Variants in SCFD2 observed in about 807,000 individuals in gnomAD.
SCFD2 encodes the protein sec1 family domain containing 2, also known as sec1 family domain-containing protein 2.
Under a neutral mutation model 58.9 loss-of-function variants are expected in SCFD2, and 54 were observed. The ratio of observed to expected loss-of-function variants is 0.92; its 90% CI spans 0.74 to 1.15. The LOEUF (loss-of-function observed/expected upper bound fraction) is 1.15, where lower values mean the gene tolerates loss of function less well. Ranked by LOEUF, SCFD2 falls within the 50% of genes most tolerant of loss-of-function variation. The pLI is 0.00. For missense variants in SCFD2, 805 were observed against 836.6 expected, an observed-to-expected ratio of 0.96 and a Z score of 0.47; for synonymous variants, 321 against 335.9, an observed-to-expected ratio of 0.96 and a Z score of 0.49.
chr4:52,880,281 A>C (rs565267955), intron 8 of SCFD2, among the ~76,000 whole-genome samples: 1 of 151,184 alleles, frequency 6.6e-6, no homozygotes, highest in Non-Finnish European at 1.5e-5. Flanking sequence ...AGTTGTGTGC[A>C]AAACTATTTT....
intron 4 of SCFD2, among the ~76,000 whole-genome samples, chr4:53,219,166 G>C (rs1437037691): frequency 2.0e-5 from 3 of 152,208 alleles, no homozygotes; most frequent in Non-Finnish European, 4.4e-5. Context: ...CTTCAAAGCT[G>C]TCAAACAGGG....
At chr4:53,251,830 G>T (rs1234131578) in intron 4 of SCFD2, among the ~76,000 whole-genome samples, 1 of 151,648 alleles carries the variant, frequency 6.6e-6, no homozygotes, top group Non-Finnish European at 1.5e-5. Context: ...GCACAAGACA[G>T]GGATGCCCTC....
At chr4:53,147,578 C>A (rs1202786308) in intron 4 of SCFD2, among the ~76,000 whole-genome samples, 1 of 152,188 alleles carries the variant, frequency 6.6e-6, no homozygotes, top group Admixed American at 6.5e-5. Context: ...TGACAAGACA[C>A]AATTTACCAA....
intron 5 of SCFD2, among the ~76,000 whole-genome samples, chr4:53,094,355 T>C (rs915747202): frequency 3.3e-5 from 5 of 152,086 alleles, no homozygotes; most frequent in Non-Finnish European, 7.4e-5. Flanking sequence ...AACAGGGTTG[T>C]TTTTCTAAGT....
chr4:53,160,924 A>G (rs757084575), intron 4 of SCFD2, among the ~76,000 whole-genome samples: 41 of 152,342 alleles, frequency 2.7e-4, no homozygotes, highest in Non-Finnish European at 4.1e-4. Flanking sequence ...TTTCTCTTCT[A>G]TTAAAAATGC....
chr4:53,233,220 GA>G (rs934639929), intron 4 of SCFD2, among the ~76,000 whole-genome samples: 14 of 149,676 alleles, frequency 9.4e-5, no homozygotes, highest in African/African-American at 2.0e-4. Flanking sequence ...GTTTAACAAA[GA>G]AAAAAAAAAT....
At chr4:53,150,845 A>C (rs914163643) in intron 4 of SCFD2, among the ~76,000 whole-genome samples, 39 of 152,380 alleles carry the variant, frequency 2.6e-4, no homozygotes, top group African/African-American at 9.4e-4. Context: ...ATAACAGGAT[A>C]GTCTTTGTAA....
intron 4 of SCFD2, among the ~76,000 whole-genome samples, chr4:53,260,584 G>A (rs1251861099): frequency 6.6e-6 from 1 of 152,118 alleles, no homozygotes; most frequent in Non-Finnish European, 1.5e-5. Flanking sequence ...ACACCCAACT[G>A]ATCATGGTGG....
chr4:53,101,140 T>C (rs1444266368), intron 5 of SCFD2, among the ~76,000 whole-genome samples: 1 of 152,188 alleles, frequency 6.6e-6, no homozygotes, highest in Non-Finnish European at 1.5e-5. Context: ...ACACTTCAGC[T>C]TTCATGCATT....
intron 3 of SCFD2, among the ~76,000 whole-genome samples, chr4:53,307,538 C>T (rs754126466): frequency 6.6e-6 from 1 of 152,202 alleles, no homozygotes; most frequent in Non-Finnish European, 1.5e-5. Context: ...ACATTAAACA[C>T]ACCAGTGACA....
At chr4:53,211,427 G>C (rs986100792) in intron 4 of SCFD2, among the ~76,000 whole-genome samples, 3 of 152,030 alleles carry the variant, frequency 2.0e-5, no homozygotes, top group African/African-American at 7.3e-5. Flanking sequence ...ATTGGTAAAC[G>C]TGAGTGTTTT....
At chr4:52,897,169 C>A (rs972777496) in intron 7 of SCFD2, among the ~76,000 whole-genome samples, 20 of 152,244 alleles carry the variant, frequency 1.3e-4, no homozygotes, top group East Asian at 1.9e-4. Context: ...GCCTGATTGC[C>A]CTGGCCAGAA....
At chr4:52,958,548 G>A (rs1379672285) in intron 5 of SCFD2, among the ~76,000 whole-genome samples, 1 of 152,046 alleles carries the variant, frequency 6.6e-6, no homozygotes, top group Admixed American at 6.6e-5. Flanking sequence ...CTCAACAAGT[G>A]ACGTTCATCG....
chr4:53,276,978 G>A (rs1731346678), intron 3 of SCFD2, among the ~76,000 whole-genome samples: 1 of 152,164 alleles, frequency 6.6e-6, no homozygotes, highest in Admixed American at 6.5e-5. Flanking sequence ...TTTTGGTGAA[G>A]TGTCTGGTCA....
chr4:53,345,279 G>A (rs961186565), intron 2 of SCFD2, among the ~76,000 whole-genome samples: 4 of 152,090 alleles, frequency 2.6e-5, no homozygotes, highest in Admixed American at 2.0e-4. Flanking sequence ...ATCAAAAAGT[G>A]GGCAACGGAT....
At chr4:53,302,695 G>A (rs62324296) in intron 3 of SCFD2, among the ~76,000 whole-genome samples, 1,944 of 152,134 alleles carry the variant, frequency 0.013, 31 homozygotes, top group South Asian at 0.073. Flanking sequence ...ACCTGACTTC[G>A]AACTATACTA....
chr4:53,365,982 C>CTTCTTTCAGAAGTTCAGGAG lies in SCFD2; in HGVS notation c.-42_-41insCTCCTGAACTTCTGAAAGAA. The CTTCTTTCAGAAGTTCAGGAG allele has an allele frequency of 6.6e-7, 1 of 1,504,960 alleles. No homozygotes were observed. Among genetic ancestry groups the CTTCTTTCAGAAGTTCAGGAG allele is most frequent in the Non-Finnish European group, 8.8e-7 (1 of 1,133,990 alleles). 93.2% of individuals were successfully genotyped at this position (1,504,960 alleles called of 1,614,324 possible). The stretch of plus-strand genomic sequence containing the variant: ...GACTTGGGAAACTACGGTGCAGGAA[C>CTTCTTTCAGAAGTTCAGGAG]TTCTTTCAGAACTCACCGCTTCCGG... On this transcript the variant is annotated 5_prime_UTR_variant, in exon 1 of 9. Transcript: ENST00000401642. The surrounding 1 kb of genome is among the most constrained non-coding windows in gnomAD (Gnocchi z 4.3).
At chr4:52,887,865 C>A (rs1482967222) in intron 7 of SCFD2, among the ~76,000 whole-genome samples, 1 of 151,136 alleles carries the variant, frequency 6.6e-6, no homozygotes, top group African/African-American at 2.4e-5. Flanking sequence ...GGCTCCCTTG[C>A]CTGATTATAC....
intron 5 of SCFD2, among the ~76,000 whole-genome samples, chr4:52,948,019 A>C (rs1050527219): frequency 6.6e-6 from 1 of 151,768 alleles, no homozygotes; most frequent in Non-Finnish European, 1.5e-5. Flanking sequence ...AATCATGTGA[A>C]TCACAAAAAA....
Sources: gnomAD v4.1 joint callset for allele counts (sites outside exome capture counted in the v4.1 genomes callset) on GRCh38, gnomAD v4.1.1 for gene constraint, Gnocchi (gnomAD v3.1) non-coding constraint, MANE v1.5 for transcripts, NCBI Gene and HGNC (gene_info 2026-07-23, HGNC 2026-07-21) for gene names.